Variants in APBB2 observed in about 807,000 individuals in gnomAD.
APBB2 encodes the protein Fe65-like 1.
In APBB2, 38 loss-of-function variants were observed where a neutral mutation model predicts 82.5. The observed-to-expected ratio is 0.46, with a 90% CI of 0.36 to 0.60. The LOEUF is 0.60. Among genes scored for constraint, APBB2 ranks in the 20% least tolerant of loss-of-function variants. The probability of loss-of-function intolerance (pLI) is 0.00; values close to 1 mark genes in which losing one functional copy is unlikely to be tolerated. For synonymous variants in APBB2, 341 were observed against 368.2 expected, an observed-to-expected ratio of 0.93 and a Z score of 0.85; for missense variants, 772 against 972.3, an observed-to-expected ratio of 0.79 and a Z score of 2.74.
At chr4:40,828,213 G>T (rs1750617707) in intron 13 of APBB2, among the ~76,000 whole-genome samples, 1 of 152,112 alleles carries the variant, frequency 6.6e-6, no homozygotes, top group Non-Finnish European at 1.5e-5. Flanking sequence ...TCCTCAAACT[G>T]CTCTAAATTG....
intron 1 of APBB2, among the ~76,000 whole-genome samples, chr4:41,144,222 G>A (rs1477526579): frequency 2.0e-5 from 3 of 152,166 alleles, no homozygotes; most frequent in South Asian, 4.1e-4. Context: ...AACAGTCCTC[G>A]TCACAAGTGT....
At chr4:41,115,842 T>C (rs1041731086) in intron 2 of APBB2, among the ~76,000 whole-genome samples, 3 of 152,080 alleles carry the variant, frequency 2.0e-5, no homozygotes, top group African/African-American at 4.8e-5. Flanking sequence ...TGTGGAGAAA[T>C]AGGAACACTA....
At chr4:40,838,579 C>A (rs1320627528) in intron 12 of APBB2, among the ~76,000 whole-genome samples, 2 of 152,196 alleles carry the variant, frequency 1.3e-5, no homozygotes, top group Admixed American at 1.3e-4. Context: ...TCGTGATCCG[C>A]CTGCCTCGGC....
chr4:41,174,038 T>C (rs370736814), intron 1 of APBB2, among the ~76,000 whole-genome samples: 2 of 152,238 alleles, frequency 1.3e-5, no homozygotes, highest in African/African-American at 2.4e-5. Flanking sequence ...AGGTAGTCCC[T>C]GTTCACACGA....
intron 1 of APBB2, among the ~76,000 whole-genome samples, chr4:41,191,242 A>G (rs1391143831): frequency 6.6e-6 from 1 of 152,192 alleles, no homozygotes; most frequent in Non-Finnish European, 1.5e-5. Flanking sequence ...ACTTTAACCA[A>G]TAAACAGCCT....
chr4:40,896,575 T>G (rs527603181), intron 10 of APBB2, among the ~76,000 whole-genome samples: 1 of 152,340 alleles, frequency 6.6e-6, no homozygotes, highest in South Asian at 2.1e-4. Context: ...TAAAAAACAC[T>G]TGAACATTTG....
chr4:41,021,060 G>C (rs534260550), intron 5 of APBB2, among the ~76,000 whole-genome samples: 1 of 152,282 alleles, frequency 6.6e-6, no homozygotes, highest in South Asian at 2.1e-4. Flanking sequence ...GCTATTACTT[G>C]CCTTCGGGCC....
intron 1 of APBB2, among the ~76,000 whole-genome samples, chr4:41,172,140 T>C (rs921692467): frequency 4.6e-5 from 7 of 152,118 alleles, no homozygotes; most frequent in Non-Finnish European, 1.0e-4. Context: ...AAGTTTTCCA[T>C]TGCCTCTAAA....
chr4:41,032,518 C>T (rs544253292), intron 5 of APBB2, among the ~76,000 whole-genome samples: 8 of 151,788 alleles, frequency 5.3e-5, no homozygotes, highest in Non-Finnish European at 1.0e-4. Context: ...GGGGGGGTTT[C>T]TGTCTAAGCA....
In APBB2 at chr4:41,159,976, A is replaced by G. The variant is rs13102555; in HGVS notation, c.-416-16834T>C. Among the ~76,000 whole-genome samples the G allele has an allele frequency of 8.7e-3, 974 of 111,728 alleles. 81 individuals are homozygous for G. Among genetic ancestry groups the G allele is most frequent in the African/African-American group, 0.03 (747 of 24,496 alleles). 73.3% of individuals were successfully genotyped at this position (111,728 alleles called of 152,430 possible). Reference sequence around the variant, plus strand: ...GAAGGAGAAGGAGAAGAAGAAGAAGAAGAAGAAGAAGAAGAAGAAGAAGAA... The same window carrying G: ...GAAGGAGAAGGAGAAGAAGAAGAAGGAGAAGAAGAAGAAGAAGAAGAAGAA... On this transcript the variant is annotated intron_variant, in intron 1 of 17. Transcript: ENST00000508593.
At chr4:41,132,126 GC>G (rs1465978366) in intron 2 of APBB2, among the ~76,000 whole-genome samples, 2 of 152,038 alleles carry the variant, frequency 1.3e-5, no homozygotes, top group Non-Finnish European at 2.9e-5. Context: ...TTAGCACAAT[GC>G]CTTTCTTCTC....
At chr4:41,134,394 A>G (rs1257587532) in intron 2 of APBB2, among the ~76,000 whole-genome samples, 1 of 152,110 alleles carries the variant, frequency 6.6e-6, no homozygotes, top group East Asian at 1.9e-4. Flanking sequence ...CCTGGCTAAC[A>G]TGGTGAAACC....
chr4:40,839,645 T>C (rs781348663), intron 12 of APBB2, among the ~76,000 whole-genome samples: 1 of 152,096 alleles, frequency 6.6e-6, no homozygotes, highest in Non-Finnish European at 1.5e-5. Context: ...ACTGTCTCCT[T>C]ATCCATGAGG....
intron 4 of APBB2, among the ~76,000 whole-genome samples, chr4:41,063,987 C>CGCTGTGTCGCCCAGGCTGGAGT (rs1267901511): frequency 3.6e-5 from 4 of 112,674 alleles, no homozygotes; most frequent in Non-Finnish European, 5.0e-5. Context: ...GACAGAATCT[C>CGCTGTGTCGCCCAGGCTGGAGT]GCTGTGTCGC....
intron 12 of APBB2, among the ~76,000 whole-genome samples, chr4:40,855,384 A>G (rs1317558806): frequency 6.6e-6 from 1 of 152,244 alleles, no homozygotes; most frequent in Non-Finnish European, 1.5e-5. Flanking sequence ...AAAAGCTAGA[A>G]CTAAACAACG....
intron 15 of APBB2, among the ~76,000 whole-genome samples, chr4:40,824,200 A>G (rs777967584): frequency 6.6e-5 from 10 of 152,156 alleles, no homozygotes; most frequent in Non-Finnish European, 1.5e-4. Flanking sequence ...CAGCCTTTTC[A>G]GTAGGAGAGG....
intron 4 of APBB2, among the ~76,000 whole-genome samples, chr4:41,036,879 T>C (rs945222484): frequency 2.0e-5 from 3 of 152,124 alleles, no homozygotes; most frequent in African/African-American, 7.2e-5. Context: ...GAGAGGAACT[T>C]AGGGGCATGG....
chr4:40,828,406 T>A (rs1335752984), intron 13 of APBB2, among the ~76,000 whole-genome samples: 1 of 152,058 alleles, frequency 6.6e-6, no homozygotes, highest in Admixed American at 6.6e-5. Flanking sequence ...CCAAGTGGAG[T>A]GAAAGTCATT....
At chr4:40,867,436 C>T (rs946015068) in intron 12 of APBB2, among the ~76,000 whole-genome samples, 1 of 152,204 alleles carries the variant, frequency 6.6e-6, no homozygotes, top group African/African-American at 2.4e-5. Flanking sequence ...ATTATCAACC[C>T]CCTTTTTGTA....
Sources: gnomAD v4.1 joint callset for allele counts (sites outside exome capture counted in the v4.1 genomes callset) on GRCh38, gnomAD v4.1.1 for gene constraint, MANE v1.5 for transcripts, NCBI Gene and HGNC (gene_info 2026-07-23, HGNC 2026-07-21) for gene names.